The following DDHD2 variants were observed in gnomAD, a reference collection of about 807,000 sequenced individuals.
The protein encoded by DDHD2 is DDHD domain containing 2.
A neutral mutation model predicts 91.2 loss-of-function variants in DDHD2; 62 were observed. The observed-to-expected ratio is 0.68, with a 90% CI of 0.55 to 0.84. The LOEUF (loss-of-function observed/expected upper bound fraction) is 0.84, where lower values mean the gene tolerates loss of function less well. DDHD2 is among the 40% of genes least tolerant of loss of function. The probability of loss-of-function intolerance (pLI) is 0.00; values close to 1 mark genes in which losing one functional copy is unlikely to be tolerated. For missense variants in DDHD2, 740 were observed against 846.9 expected, an observed-to-expected ratio of 0.87 and a Z score of 1.57; for synonymous variants, 271 against 293.9, an observed-to-expected ratio of 0.92 and a Z score of 0.80.
Position 38,245,779 on chromosome 8 carries a change from C to T in DDHD2, c.886C>T (p.Leu296Phe). The T allele has an allele frequency of 1.2e-6, 2 of 1,614,176 alleles. No individual in the cohort carries two copies. Among genetic ancestry groups the T allele is most frequent in the Non-Finnish European group, 1.7e-6 (2 of 1,180,038 alleles). The change falls in exon 8 of 18, where the codon CTC becomes TTC. Residue 296 changes from leucine to phenylalanine, a missense_variant. Leu to Phe is a conservative substitution (Grantham distance 22). Coordinates refer to ENST00000397166, the MANE Select transcript of DDHD2 (RefSeq NM_015214.3). Reference protein sequence around the residue: ...QRITLPSINRLRHFTNDTILD... With the variant: ...QRITLPSINRFRHFTNDTILD... ...AATAACCCTGCCCAGCATTAACCGC[C>T]TCAGGCACTTCACCAATGACACAAT...
chr8:38,241,991 C>T lies in DDHD2; in HGVS notation c.713-259C>T, dbSNP rs1479390560. 1.5e-5 allele frequency: 5 copies of T among 331,332 alleles called. No individual in the cohort carries two copies. In the East Asian group the frequency reaches 2.9e-4, roughly 19 times the overall value. 20.5% of individuals were successfully genotyped at this position (331,332 alleles called of 1,614,324 possible). On this transcript the variant is annotated intron_variant, in intron 6 of 17. Coordinates refer to ENST00000397166, the MANE Select transcript of DDHD2 (RefSeq NM_015214.3). ...ATTGCTTAAACCAGTGAGGTGGAGG[C>T]TGCAGTGAGGTGAGATCTCGCCACT... is the stretch of plus-strand genomic sequence containing the variant.
chr8:38,263,642 C>T (rs886617357), downstream of DDHD2: 48 of 985,180 alleles, frequency 4.9e-5, 1 homozygote, highest in Middle Eastern at 5.2e-4. Flanking sequence ...ACCCTAGATT[C>T]GACATTTTCC....
At chr8:38,248,960 A>C (rs1313187182) in intron 10 of DDHD2, among the ~76,000 whole-genome samples, 2 of 151,556 alleles carry the variant, frequency 1.3e-5, no homozygotes, top group East Asian at 2.0e-4. Flanking sequence ...AAAAAAAAAA[A>C]AACGATGAGT....
At chr8:38,268,730 T>TAAAC (rs1808145532) in intron 1 of DDHD2, 2 of 1,433,448 alleles carry the variant, frequency 1.4e-6, no homozygotes, top group Admixed American at 2.9e-5. Context: ...ATCAGGATCT[T>TAAAC]AAACACTCGA....
downstream of DDHD2, chr8:38,273,365 T>C (rs1808531503): frequency 6.6e-6 from 1 of 152,160 alleles, no homozygotes; most frequent in African/African-American, 2.4e-5. Context: ...TTTTTTTAAT[T>C]TCAGCAGAGC....
At position 38,249,834 on chromosome 8, in the gene DDHD2, A is replaced by G. The variant is rs769692390; in HGVS notation, c.1344+31A>G. 6.2e-6 allele frequency: 9 copies of G among 1,455,912 alleles called. No homozygotes were observed. In the South Asian group the frequency reaches 1.1e-4, roughly 17 times the overall value. The allele number at this position is 1,455,912 out of a possible 1,614,324, so 90.2% of individuals were successfully genotyped here. On this transcript the variant is annotated intron_variant, in intron 11 of 17. Transcript: ENST00000397166. Reference sequence around the variant, plus strand: ...TGCCTAATACAGCTTGTTGGACTAAACAATTCTTTGATGTCCATAGTGTGT... The same window carrying G: ...TGCCTAATACAGCTTGTTGGACTAAGCAATTCTTTGATGTCCATAGTGTGT...
intron 16 of DDHD2, among the ~76,000 whole-genome samples, chr8:38,259,057 A>G (rs1405204537): frequency 6.6e-6 from 1 of 152,156 alleles, no homozygotes; most frequent in Non-Finnish European, 1.5e-5. Flanking sequence ...AGACTTCGTT[A>G]CTTTCTTATA....
intron 16 of DDHD2, among the ~76,000 whole-genome samples, chr8:38,257,238 G>GT (rs749469533): frequency 0.19 from 12,352 of 63,878 alleles, 3,799 homozygotes; most frequent in Non-Finnish European, 0.29. Flanking sequence ...TGGCCAACAA[G>GT]TTTTTTTTTT....
intron 1 of DDHD2, chr8:38,268,619 A>G: frequency 6.9e-7 from 1 of 1,442,172 alleles, no homozygotes; most frequent in Non-Finnish European, 9.1e-7. Flanking sequence ...AGTGAACAGC[A>G]GCGCCCGTGC....
Position 38,252,398 on chromosome 8 carries a change from T to C in DDHD2, c.1617+111T>C, listed in dbSNP as rs993881805. On this transcript the variant is annotated intron_variant, in intron 13 of 17. Transcript: ENST00000397166. The stretch of plus-strand genomic sequence containing the variant: ...TTTTTCCTATTCCATTGTCTAGCAA[T>C]GAGACAACTTATAATAGTATTGATT... 11 of 1,200,292 alleles carry C rather than the reference T, an allele frequency of 9.2e-6. 1 individual carries two copies. In the Admixed American group the frequency reaches 9.3e-5, roughly 10 times the overall value. The allele number at this position is 1,200,292 out of a possible 1,614,324, so 74.4% of individuals were successfully genotyped here. A position where few individuals can be genotyped will look rare whatever the true frequency, so the allele number is the denominator to read the frequency against.
chr8:38,268,392 C>A (rs1394916175), intron 1 of DDHD2: 2 of 1,570,956 alleles, frequency 1.3e-6, no homozygotes, highest in East Asian at 2.3e-5. Context: ...TGTCTGCTGT[C>A]TCTTGTGTCT....
chr8:38,241,644 C>G lies in DDHD2; in HGVS notation c.713-606C>G, dbSNP rs142860987. 1.8e-3 allele frequency among the ~76,000 whole-genome samples: 276 copies of G among 151,638 alleles called. 3 individuals carry two copies. The highest frequency in any genetic ancestry group is 6.4e-3 in the African/African-American group (266 of 41,416). On this transcript the variant is annotated intron_variant, in intron 6 of 17. Transcript: ENST00000397166. The stretch of plus-strand genomic sequence containing the variant: ...ATGTTGGCCAGGCTGGTCTTGAACT[C>G]CTGGCCTCATAAAATCCACCTGCCT...
At chr8:38,251,101 A>G (rs895929764) in intron 11 of DDHD2, 1 of 152,158 alleles carries the variant, frequency 6.6e-6, no homozygotes, top group African/African-American at 2.4e-5. Flanking sequence ...GATGGAGTGC[A>G]GTTGCACGAT....
chr8:38,246,039 A>G, intron 8 of DDHD2, 89 bp downstream of exon 8: 1 of 1,371,586 alleles, frequency 7.3e-7, no homozygotes, highest in Admixed American at 1.8e-5. Flanking sequence ...ATCAGTATGA[A>G]ATTCAGAGGT....
At position 38,260,732 on chromosome 8, in the gene DDHD2, T is replaced by A. The variant is rs567714237; in HGVS notation, c.*159T>A. ...TGGGGTCTTTGGAAGATAATCTTCC[T>A]CTTTGGAAATGAATGGAAAAGCAAA... On this transcript the variant is annotated 3_prime_UTR_variant, in exon 18 of 18. Coordinates refer to ENST00000397166, the MANE Select transcript of DDHD2 (RefSeq NM_015214.3). The A allele has an allele frequency of 6.5e-6, 1 of 152,788 alleles. No homozygotes were observed. Among genetic ancestry groups the A allele is most frequent in the East Asian group, 1.9e-4 (1 of 5,184 alleles). The allele number at this position is 152,788 out of a possible 1,614,324, so 9.5% of individuals were successfully genotyped here.
downstream of DDHD2, chr8:38,266,834 A>G (rs1003377775): frequency 4.6e-6 from 1 of 215,752 alleles, no homozygotes; most frequent in African/African-American, 2.3e-5. Flanking sequence ...TCGGTATACT[A>G]GCTATATGTA....
rs1179970028 is a variant in DDHD2 at position 38,245,890 on chromosome 8, C to A, written c.997C>A (p.Leu333Ile). 1 of 1,614,126 alleles carries A rather than the reference C, an allele frequency of 6.2e-7. No individual in the cohort carries two copies. The highest frequency in any genetic ancestry group is 1.1e-5 in the South Asian group (1 of 91,086). ...VASEMNRIYT[L>I]FLQRNPDFKG... Reference sequence around the variant, plus strand: ...TTCTGAAATGAACCGAATATACACACTTTTTCTACAGAGGAACCCTGATTT... The same window carrying A: ...TTCTGAAATGAACCGAATATACACAATTTTTCTACAGAGGAACCCTGATTT... Residue 333 changes from leucine (L) to isoleucine (I), a missense_variant, in exon 8 of 18, where the codon CTT becomes ATT. By Grantham distance (5) the Leu-to-Ile change is conservative. This residue lies in a region of DDHD2 where 693 missense variants were observed against 764.2 expected (regional missense o/e 0.91). Transcript: ENST00000397166.
chr8:38,255,555 C>A (rs1409614651), intron 16 of DDHD2, among the ~76,000 whole-genome samples: 2 of 152,102 alleles, frequency 1.3e-5, no homozygotes, highest in Non-Finnish European at 2.9e-5. Context: ...TTTATGCCTC[C>A]ATAATAAATA....
At chr8:38,246,988 A>G (rs1805684307) in intron 9 of DDHD2, 1 of 152,252 alleles carries the variant, frequency 6.6e-6, no homozygotes, top group Non-Finnish European at 1.5e-5. Context: ...ATGTTTAAAC[A>G]TTATTTTAGT....
Sources: allele counts gnomAD v4.1 joint callset (sites outside exome capture counted in the v4.1 genomes callset), GRCh38; gene constraint gnomAD v4.1.1; regional missense constraint gnomAD v4.1.1; transcripts MANE v1.5; gene names NCBI Gene and HGNC (gene_info 2026-07-23, HGNC 2026-07-21).